PAH: variants seen among roughly 807,000 people sequenced by gnomAD.
PAH encodes phenylalanine hydroxylase.
PAH carries 64 observed loss-of-function variants against 62.0 expected under a neutral mutation model. The observed-to-expected ratio is 1.03, with a 90% CI of 0.84 to 1.27. PAH has a LOEUF of 1.27. Among genes scored for constraint, PAH ranks in the 50% most tolerant of loss-of-function variants. The pLI is 0.00. For synonymous variants in PAH, 195 were observed against 196.2 expected, an observed-to-expected ratio of 0.99 and a Z score of 0.05; for missense variants, 579 against 542.8, an observed-to-expected ratio of 1.07 and a Z score of -0.66.
chr12:102,877,418 G>T lies in PAH; in HGVS notation c.441+44C>A, dbSNP rs745999349. On this transcript the variant is annotated intron_variant, in intron 4 of 12. Transcript: ENST00000553106. ...GGTAAGAGGAAGGGAGGGGAGTGGA[G>T]GAGAGGCACTGAAAAAATCTCATCC... 9.0e-6 allele frequency: 12 copies of T among 1,332,158 alleles called. No homozygotes were observed. The African/African-American group carries it at 1.7e-4, about 19-fold the overall frequency. The allele number at this position is 1,332,158 out of a possible 1,614,324, so 82.5% of individuals were successfully genotyped here. A position where few individuals can be genotyped will look rare whatever the true frequency, so the allele number is the denominator to read the frequency against.
chr12:102,947,906 GAGA>G (rs1261176009), intron 1 of PAH, among the ~76,000 whole-genome samples: 1 of 152,124 alleles, frequency 6.6e-6, no homozygotes, highest in African/African-American at 2.4e-5. Flanking sequence ...CCAAAGTTAG[GAGA>G]AGACTAGTGC....
chr12:102,896,871 C>A (rs899027882), intron 2 of PAH, among the ~76,000 whole-genome samples: 110 of 152,282 alleles, frequency 7.2e-4, no homozygotes, highest in Middle Eastern at 3.4e-3. Flanking sequence ...TTGGACAATG[C>A]AAGGATGAAT....
intron 1 of PAH, among the ~76,000 whole-genome samples, chr12:102,947,369 T>C (rs1565884860): frequency 1.3e-5 from 2 of 152,132 alleles, no homozygotes; most frequent in African/African-American, 4.8e-5. Context: ...ATAAGCATGA[T>C]CTCAGTTTCA....
chr12:102,873,647 G>A (rs1876450342), intron 4 of PAH, among the ~76,000 whole-genome samples: 1 of 152,066 alleles, frequency 6.6e-6, no homozygotes, highest in African/African-American at 2.4e-5. Context: ...CATGAAACCT[G>A]GCATTTATGC....
chr12:102,915,799 C>T (rs1878358064), intron 1 of PAH, among the ~76,000 whole-genome samples: 1 of 150,516 alleles, frequency 6.6e-6, no homozygotes, highest in Non-Finnish European at 1.5e-5. Flanking sequence ...AATTTTGGAA[C>T]CATTGATATA....
chr12:102,954,970 T>C (rs2136781164), upstream of PAH, among the ~76,000 whole-genome samples: 1 of 152,248 alleles, frequency 6.6e-6, no homozygotes, highest in Middle Eastern at 3.4e-3. Context: ...TTGCAAAGCA[T>C]GTAAGGAAGA....
intron 1 of PAH, among the ~76,000 whole-genome samples, chr12:102,948,482 G>A (rs528726994): frequency 3.9e-5 from 6 of 152,284 alleles, no homozygotes; most frequent in Admixed American, 2.0e-4. Context: ...GAAAGGCTCC[G>A]GGGCTGGGTA....
intron 1 of PAH, among the ~76,000 whole-genome samples, chr12:102,936,808 G>A (rs575797112): frequency 6.6e-6 from 1 of 152,252 alleles, no homozygotes; most frequent in Admixed American, 6.5e-5. Flanking sequence ...ACAGATCATT[G>A]AGACTTATTT....
chr12:102,854,881 T>C (rs2136648761), intron 6 of PAH: 1 of 547,558 alleles, frequency 1.8e-6, no homozygotes. Context: ...AAGAAAATAC[T>C]TTTCAGGGAC....
chr12:102,935,771 G>T lies in PAH; in HGVS notation c.-96+14818C>A, dbSNP rs370317887. 5.9e-5 allele frequency among the ~76,000 whole-genome samples: 9 copies of T among 151,448 alleles called. No homozygotes were observed. The East Asian group carries it at 1.4e-3, about 23-fold the overall frequency. On this transcript the variant is annotated intron_variant, in intron 1 of 3. Coordinates refer to the PAH transcript ENST00000546844. ...TTTCATATCAGATTTTATTTAATTC[G>T]GTCTTCTCCCTTTTTTTTCTTAGTC...
upstream of PAH, chr12:102,917,272 T>C (rs1162453619): frequency 2.7e-6 from 2 of 747,482 alleles, no homozygotes; most frequent in Middle Eastern, 3.5e-4. Flanking sequence ...GCGTGGTGCA[T>C]CTCCGCACAG....
At chr12:102,934,139 A>G (rs1225064482) in intron 1 of PAH, among the ~76,000 whole-genome samples, 2 of 152,110 alleles carry the variant, frequency 1.3e-5, no homozygotes, top group East Asian at 3.8e-4. Flanking sequence ...ATTCCTCTGC[A>G]TATGAGTTTC....
chr12:102,878,947 G>A lies in PAH; in HGVS notation c.353-1397C>T, dbSNP rs539814198. Among the ~76,000 whole-genome samples, 5 of 152,244 alleles carry A rather than the reference G, an allele frequency of 3.3e-5. No homozygotes were observed. The East Asian group carries it at 9.7e-4, about 30-fold the overall frequency. ...AGTAAGAAAGTGGTAGATTCAAAAA[G>A]AATCCAGAGAGCCAAAATAGACGTG... On this transcript the variant is annotated intron_variant, in intron 3 of 12. Coordinates refer to ENST00000553106, the MANE Select transcript of PAH (RefSeq NM_000277.3).
chr12:102,914,076 T>C (rs1217149666), intron 1 of PAH: 1 of 452,698 alleles, frequency 2.2e-6, no homozygotes, highest in Non-Finnish European at 3.9e-6. Context: ...CCTGCATGAA[T>C]ACTGATGACC....
At chr12:102,955,528 C>T (rs186591463), upstream of PAH, among the ~76,000 whole-genome samples, 21 of 152,246 alleles carry the variant, frequency 1.4e-4, no homozygotes, top group Admixed American at 1.0e-3. Context: ...TCCACATTTG[C>T]GACACTCCCT....
intron 3 of PAH, among the ~76,000 whole-genome samples, chr12:102,879,357 G>C (rs1055928487): frequency 6.6e-6 from 1 of 151,478 alleles, no homozygotes; most frequent in African/African-American, 2.4e-5. Flanking sequence ...ATTCTGACCT[G>C]CTTAGATGGG....
intron 8 of PAH, 69 bp downstream of exon 8, chr12:102,851,618 G>A: frequency 7.6e-7 from 1 of 1,310,910 alleles, no homozygotes; most frequent in Non-Finnish European, 1.1e-6. Flanking sequence ...ACCCCTCCCT[G>A]GGCTCAACTC....
At chr12:102,929,896 T>C (rs765560385) in intron 1 of PAH, among the ~76,000 whole-genome samples, 2 of 152,186 alleles carry the variant, frequency 1.3e-5, no homozygotes, top group Non-Finnish European at 2.9e-5. Context: ...GCTCCATCTC[T>C]GCTTTTGAAG....
chr12:102,843,524 C>G lies in PAH; in HGVS notation c.1199+122G>C, dbSNP rs941685953. 38 of 985,292 alleles carry G rather than the reference C, an allele frequency of 3.9e-5. 1 individual carries two copies. The African/African-American group carries it at 6.1e-4, about 16-fold the overall frequency. The allele number at this position is 985,292 out of a possible 1,614,324, so 61.0% of individuals were successfully genotyped here. A position where few individuals can be genotyped will look rare whatever the true frequency, so the allele number is the denominator to read the frequency against. On this transcript the variant is annotated intron_variant, in intron 11 of 12. Transcript: ENST00000553106. ...GAGGGTGGAGAACATGGGAGAGAAACTGTCTATGGTACAAAGTTGCTGTAG... is the reference window on the plus strand; with the variant it reads ...GAGGGTGGAGAACATGGGAGAGAAAGTGTCTATGGTACAAAGTTGCTGTAG...
Sources: allele counts gnomAD v4.1 joint callset (sites outside exome capture counted in the v4.1 genomes callset), GRCh38; gene constraint gnomAD v4.1.1; transcripts MANE v1.5; gene names NCBI Gene and HGNC (gene_info 2026-07-23, HGNC 2026-07-21).